AXIN1: variants seen among roughly 807,000 people sequenced by gnomAD.
AXIN1 encodes the protein axin-1.
A neutral mutation model predicts 76.4 loss-of-function variants in AXIN1; 30 were observed. That is an observed-to-expected ratio of 0.39 (90% confidence interval 0.29 to 0.53). The LOEUF is 0.53. Ranked by LOEUF, AXIN1 falls within the 20% of genes least tolerant of loss-of-function variation. The pLI is 0.66. For missense variants in AXIN1, 1,140 were observed against 1,198.8 expected (o/e 0.95, Z 0.72); for synonymous variants, 545 against 501.4 (o/e 1.09, Z -1.16).
At chr16:331,300 A>T (rs1264738647) in intron 2 of AXIN1, among the ~76,000 whole-genome samples, 1 of 152,196 alleles carries the variant, frequency 6.6e-6, no homozygotes, top group South Asian at 2.1e-4. Flanking sequence ...AGTAATTTAG[A>T]AACTGCAAGT....
At chr16:291,799 G>A (rs897963769) in intron 8 of AXIN1, 20 of 231,916 alleles carry the variant, frequency 8.6e-5, no homozygotes, top group Non-Finnish European at 1.6e-4. Flanking sequence ...CACCTCCACC[G>A]GGGTACACTG....
At chr16:335,066 C>T (rs1215293152) in intron 2 of AXIN1, among the ~76,000 whole-genome samples, 1 of 152,170 alleles carries the variant, frequency 6.6e-6, no homozygotes, top group Non-Finnish European at 1.5e-5. Context: ...ATAGAATGCA[C>T]AGCAGTAAGT....
At chr16:301,525 T>A (rs1027624688) in intron 5 of AXIN1, among the ~76,000 whole-genome samples, 1 of 152,108 alleles carries the variant, frequency 6.6e-6, no homozygotes, top group African/African-American at 2.4e-5. Context: ...GCACGGTGGC[T>A]CGTGCCTGAA....
At chr16:315,224 T>C (rs891461986) in intron 2 of AXIN1, among the ~76,000 whole-genome samples, 3 of 152,244 alleles carry the variant, frequency 2.0e-5, no homozygotes, top group African/African-American at 7.2e-5. Flanking sequence ...CCTGGGACGA[T>C]TCACCTCCTC....
intron 4 of AXIN1, among the ~76,000 whole-genome samples, chr16:304,967 T>C (rs2052979795): frequency 6.6e-6 from 1 of 152,242 alleles, no homozygotes; most frequent in African/African-American, 2.4e-5. Flanking sequence ...GGGCTGCTTC[T>C]TTCCAGCGTC....
At chr16:333,944 C>T (rs2053746091) in intron 2 of AXIN1, among the ~76,000 whole-genome samples, 2 of 151,552 alleles carry the variant, frequency 1.3e-5, no homozygotes, top group South Asian at 4.2e-4. Context: ...CCATACCATG[C>T]CAATAACACA....
At chr16:340,337 C>A (rs925326914) in intron 2 of AXIN1, among the ~76,000 whole-genome samples, 1 of 152,204 alleles carries the variant, frequency 6.6e-6, no homozygotes. Flanking sequence ...TGGACTGGCC[C>A]GGGAAGACAC....
chr16:289,066 G>A (rs1432869901), intron 10 of AXIN1, among the ~76,000 whole-genome samples: 1 of 151,428 alleles, frequency 6.6e-6, no homozygotes, highest in East Asian at 1.9e-4. Context: ...TGAAATGGCC[G>A]GAAGCCCTTT....
chr16:351,632 G>GGAA (rs2054145749), intron 1 of AXIN1, among the ~76,000 whole-genome samples: 1 of 150,508 alleles, frequency 6.6e-6, no homozygotes. Flanking sequence ...TTATCTTAGA[G>GGAA]GACGGTGGTC....
At chr16:306,150 C>CACACACCCACACACACGT (rs1239305439) in intron 4 of AXIN1, among the ~76,000 whole-genome samples, 15 of 152,062 alleles carry the variant, frequency 9.9e-5, no homozygotes, top group African/African-American at 3.6e-4. Flanking sequence ...TGCGCAGGCA[C>CACACACCCACACACACGT]ACACACCCAC....
intron 2 of AXIN1, among the ~76,000 whole-genome samples, chr16:330,734 AT>A (rs2053676164): frequency 6.6e-6 from 1 of 152,230 alleles, no homozygotes; most frequent in South Asian, 2.1e-4. Flanking sequence ...GAACAAAAAA[AT>A]GTTTTATGCT....
intron 2 of AXIN1, among the ~76,000 whole-genome samples, chr16:325,036 C>T (rs943164630): frequency 5.9e-5 from 9 of 152,198 alleles, no homozygotes; most frequent in Non-Finnish European, 5.9e-5. Flanking sequence ...CTACCTGGCA[C>T]GTTCTGACGC....
At chr16:301,504 C>T (rs558080168) in intron 5 of AXIN1, among the ~76,000 whole-genome samples, 16 of 152,030 alleles carry the variant, frequency 1.1e-4, no homozygotes, top group African/African-American at 3.9e-4. Context: ...ACATGTCTTG[C>T]TTAAGGCCAG....
intron 7 of AXIN1, among the ~76,000 whole-genome samples, chr16:296,619 G>A (rs1326391899): frequency 6.6e-6 from 1 of 152,212 alleles, no homozygotes; most frequent in Non-Finnish European, 1.5e-5. Flanking sequence ...AAGTGCTCAC[G>A]CTACACAAGA....
At chr16:308,608 G>C (rs1379421699) in intron 4 of AXIN1, among the ~76,000 whole-genome samples, 3 of 152,242 alleles carry the variant, frequency 2.0e-5, no homozygotes, top group Non-Finnish European at 4.4e-5. Flanking sequence ...GCGGGTTCTT[G>C]ACGTTCAGGA....
Position 290,989 on chromosome 16 carries a change from G to A in AXIN1, c.2294+201C>T, listed in dbSNP as rs1017979614. On this transcript the variant is annotated intron_variant, in intron 9 of 10. Coordinates refer to ENST00000262320, the MANE Select transcript of AXIN1 (RefSeq NM_003502.4). ...TGGTCACTTGTCATCATGCTGGACA[G>A]TCAGCGTCTCCTTTGATGGAGACAG... 5 of 638,120 alleles carry A rather than the reference G, an allele frequency of 7.8e-6. No homozygotes were observed. The African/African-American group carries it at 9.0e-5, about 11-fold the overall frequency. The allele number at this position is 638,120 out of a possible 1,614,324, so 39.5% of individuals were successfully genotyped here. A position where few individuals can be genotyped will look rare whatever the true frequency, so the allele number is the denominator to read the frequency against.
At chr16:343,303 T>C (rs371070009) in intron 2 of AXIN1, among the ~76,000 whole-genome samples, 4 of 152,256 alleles carry the variant, frequency 2.6e-5, no homozygotes, top group African/African-American at 7.2e-5. Context: ...AGCCAAGAAC[T>C]GAAGAGTGGC....
In AXIN1 at chr16:293,523, TTCCTCCTCCAGACGTCGGCGC is replaced by T. The variant is rs1353035590; in HGVS notation, c.2130_2150del (p.Arg711_Glu717del). On this transcript the variant is annotated inframe_deletion, in exon 8 of 11. Coordinates refer to ENST00000262320, the MANE Select transcript of AXIN1 (RefSeq NM_003502.4). This position sits in a 1 kb window ranked among gnomAD's most constrained non-coding sequence, Gnocchi z 4.6. ...AGGGTGCTCGGCTGGCTCTCTTTTC[TTCCTCCTCCAGACGTCGGCGC>T]GCCTCCTCCAGCTGGGTTAGGGGGT... 3 of 1,610,674 alleles carry T rather than the reference TTCCTCCTCCAGACGTCGGCGC, an allele frequency of 1.9e-6. No individual in the cohort carries two copies. The South Asian group carries it at 3.3e-5, about 18-fold the overall frequency.
Position 293,103 on chromosome 16 carries a change from C to A in AXIN1, c.2186+385G>T. On this transcript the variant is annotated intron_variant, in intron 8 of 10. Coordinates refer to ENST00000262320, the MANE Select transcript of AXIN1 (RefSeq NM_003502.4). This position sits in a 1 kb window ranked among gnomAD's most constrained non-coding sequence, Gnocchi z 4.6. ...CTGGGACGCAACTGTCAAGAGGCAG[C>A]CGCCATGCCTCCAGGACCTCTGCCC... 1 of 289,564 alleles carries A rather than the reference C, an allele frequency of 3.5e-6. No individual in the cohort carries two copies. The highest frequency in any genetic ancestry group is 6.6e-6 in the Non-Finnish European group (1 of 152,080). The allele number at this position is 289,564 out of a possible 1,614,324, so 17.9% of individuals were successfully genotyped here.
Sources: gnomAD v4.1 joint callset for allele counts (sites outside exome capture counted in the v4.1 genomes callset) on GRCh38, gnomAD v4.1.1 for gene constraint, Gnocchi (gnomAD v3.1) non-coding constraint, MANE v1.5 for transcripts, NCBI Gene and HGNC (gene_info 2026-07-23, HGNC 2026-07-21) for gene names.